Variants in SNCAIP observed in about 807,000 individuals in gnomAD.
SNCAIP encodes synuclein alpha interacting protein.
Under a neutral mutation model 86.7 loss-of-function variants are expected in SNCAIP, and 43 were observed. That is an observed-to-expected ratio of 0.50 (90% CI 0.39 to 0.64). The LOEUF is 0.64. Ranked by LOEUF, SNCAIP falls within the 30% of genes least tolerant of loss-of-function variation. The pLI is 0.00. For synonymous variants in SNCAIP, 417 were observed against 427.2 expected (o/e 0.98, Z 0.29); for missense variants, 981 against 1,103.1 (o/e 0.89, Z 1.57).
chr5:122,443,272 G>C (rs567571016), intron 7 of SNCAIP, among the ~76,000 whole-genome samples: 37 of 152,230 alleles, frequency 2.4e-4, no homozygotes, highest in African/African-American at 8.4e-4. Context: ...GATTAATCCA[G>C]GTTTGCAGTC....
At chr5:122,400,973 C>G (rs1297907690) in intron 2 of SNCAIP, 1 of 1,544,774 alleles carries the variant, frequency 6.5e-7, no homozygotes, top group East Asian at 2.5e-5. Context: ...CCTCTTCACT[C>G]TTCTCACCCA....
intron 1 of SNCAIP, among the ~76,000 whole-genome samples, chr5:122,370,428 C>CA (rs1561599427): frequency 1.3e-5 from 2 of 151,734 alleles, no homozygotes; most frequent in Admixed American, 6.6e-5. Flanking sequence ...ATGTATTGTA[C>CA]TTTAGTGTGT....
chr5:122,325,047 A>T lies in SNCAIP; in HGVS notation c.-47+12763A>T, dbSNP rs563165472. On this transcript the variant is annotated intron_variant, in intron 1 of 10. Transcript: ENST00000261368. The stretch of plus-strand genomic sequence containing the variant: ...TACTGTGTGTGATTTGGAACAGCGT[A>T]TTGAACCCCTCAGTATTTTGATATG... 3.9e-5 allele frequency among the ~76,000 whole-genome samples: 6 copies of T among 152,338 alleles called. No homozygotes were observed. The South Asian group carries it at 1.2e-3, about 32-fold the overall frequency.
chr5:122,423,195 T>C lies in SNCAIP; in HGVS notation c.458T>C (p.Ile153Thr), dbSNP rs1776741151. Residue 153 changes from isoleucine to threonine, a missense_variant, in exon 4 of 11, where the codon ATT becomes ACT. Physicochemically the swap from Ile to Thr is moderately conservative, Grantham distance 89. Transcript: ENST00000261368. ...CACTACGACCTCGACATGGATGAGA[T>C]TCTGGATGTGCCTTATATTAAATCC... ...LEHYDLDMDEILDVPYIKSSQ... is the reference protein window; with the variant it reads ...LEHYDLDMDETLDVPYIKSSQ... 1 of 1,614,042 alleles carries C rather than the reference T, an allele frequency of 6.2e-7. No individual in the cohort carries two copies. The highest frequency in any genetic ancestry group is 8.5e-7 in the Non-Finnish European group (1 of 1,180,016).
chr5:122,381,719 T>A (rs1454708706), intron 1 of SNCAIP, among the ~76,000 whole-genome samples: 2 of 152,108 alleles, frequency 1.3e-5, no homozygotes, highest in East Asian at 3.9e-4. Context: ...CTTCAGGAGC[T>A]CTTTTAGGGC....
intron 1 of SNCAIP, chr5:122,371,892 A>C (rs1028644464): frequency 1.3e-5 from 2 of 152,336 alleles, no homozygotes; most frequent in African/African-American, 4.8e-5. Context: ...CATTATTATT[A>C]GGTTATTTTA....
chr5:122,400,121 A>G (rs556527293), intron 2 of SNCAIP, among the ~76,000 whole-genome samples: 21 of 152,136 alleles, frequency 1.4e-4, no homozygotes, highest in Non-Finnish European at 2.5e-4. Flanking sequence ...GGAGTAGCAT[A>G]TGTAAAGGTA....
intron 1 of SNCAIP, among the ~76,000 whole-genome samples, chr5:122,325,810 A>G (rs944009355): frequency 4.6e-5 from 7 of 152,184 alleles, no homozygotes; most frequent in Admixed American, 1.3e-4. Context: ...GTGAGAAGAA[A>G]TCTATTACCT....
chr5:122,370,570 G>A (rs1302447152), intron 1 of SNCAIP, among the ~76,000 whole-genome samples: 3 of 152,012 alleles, frequency 2.0e-5, no homozygotes, highest in African/African-American at 7.2e-5. Context: ...TCTTATGAAG[G>A]CACCTCTTTA....
At chr5:122,336,417 A>G (rs1413682999) in intron 1 of SNCAIP, among the ~76,000 whole-genome samples, 2 of 152,212 alleles carry the variant, frequency 1.3e-5, no homozygotes, top group East Asian at 1.9e-4. Flanking sequence ...ACATCTGCCC[A>G]TATTAAAGCT....
chr5:122,325,090 T>A (rs184351774), intron 1 of SNCAIP, among the ~76,000 whole-genome samples: 235 of 152,314 alleles, frequency 1.5e-3, no homozygotes, highest in African/African-American at 2.3e-3. Flanking sequence ...CCCTTTTTTT[T>A]ATCAACAAAT....
At chr5:122,408,613 T>C (rs1450744886) in intron 3 of SNCAIP, among the ~76,000 whole-genome samples, 1 of 152,194 alleles carries the variant, frequency 6.6e-6, no homozygotes, top group Non-Finnish European at 1.5e-5. Flanking sequence ...TCAATTACAC[T>C]GCAGTAGGAC....
In SNCAIP at chr5:122,423,667, A is replaced by C. The variant is rs1223720590; in HGVS notation, c.930A>C (p.Glu310Asp). The C allele has an allele frequency of 6.2e-7, 1 of 1,610,862 alleles. No individual in the cohort carries two copies. Among genetic ancestry groups the C allele is most frequent in the Non-Finnish European group, 8.5e-7 (1 of 1,179,956 alleles). ...GLNRTSSQGPEERSEYLKKVK... is the reference protein window; with the variant it reads ...GLNRTSSQGPDERSEYLKKVK... The stretch of plus-strand genomic sequence containing the variant: ...ACCGGACCAGCTCCCAAGGCCCAGA[A>C]GAAAGGAGTGAGTATCTGAAAAAAG... The change falls in exon 4 of 11, where the codon GAA (glutamate) becomes GAC (aspartate). Residue 310 changes from glutamate (E) to aspartate (D), a missense_variant. Glu to Asp is a conservative substitution (Grantham distance 45). Coordinates refer to ENST00000261368, the MANE Select transcript of SNCAIP (RefSeq NM_005460.4).
chr5:122,323,867 C>A (rs572848057), intron 1 of SNCAIP, among the ~76,000 whole-genome samples: 1 of 152,234 alleles, frequency 6.6e-6, no homozygotes, highest in East Asian at 1.9e-4. Context: ...TCTTTCTCCT[C>A]CCCCCTCCAA....
intron 1 of SNCAIP, among the ~76,000 whole-genome samples, chr5:122,383,202 GC>G (rs1180164656): frequency 2.0e-5 from 3 of 152,234 alleles, no homozygotes; most frequent in Non-Finnish European, 4.4e-5. Context: ...GACTCCGTGG[GC>G]GTAGGACCCT....
rs1763688827 is a variant in SNCAIP, at chr5:122,368,828, G to T, written c.-46-22261G>T. The stretch of plus-strand genomic sequence containing the variant: ...ATTCACTTTTAATTTGGGGTTAGGG[G>T]TTTTTAGTCCTACCCTGGCTGGTCA... On this transcript the variant is annotated intron_variant, in intron 1 of 10. Coordinates refer to ENST00000261368, the MANE Select transcript of SNCAIP (RefSeq NM_005460.4). Among the ~76,000 whole-genome samples, 5 of 152,148 alleles carry T rather than the reference G, an allele frequency of 3.3e-5. No homozygotes were observed. The South Asian group carries it at 1.0e-3, about 32-fold the overall frequency.
At chr5:122,398,854 C>T (rs530667177) in intron 2 of SNCAIP, among the ~76,000 whole-genome samples, 10 of 152,250 alleles carry the variant, frequency 6.6e-5, no homozygotes, top group South Asian at 4.1e-4. Flanking sequence ...CGTAGCCCAA[C>T]GTAGAAATCA....
chr5:122,440,090 C>G (rs1780496259), intron 6 of SNCAIP, among the ~76,000 whole-genome samples: 1 of 152,186 alleles, frequency 6.6e-6, no homozygotes, highest in Non-Finnish European at 1.5e-5. Context: ...CACTTGGCAA[C>G]TTAACGTATT....
intron 2 of SNCAIP, among the ~76,000 whole-genome samples, chr5:122,395,908 C>T (rs996153579): frequency 2.6e-5 from 4 of 152,144 alleles, no homozygotes; most frequent in Admixed American, 2.0e-4. Context: ...GTACTTTCTT[C>T]TGTACCTTCT....
Sources: gnomAD v4.1 joint callset for allele counts (sites outside exome capture counted in the v4.1 genomes callset) on GRCh38, gnomAD v4.1.1 for gene constraint, MANE v1.5 for transcripts, NCBI Gene and HGNC (gene_info 2026-07-23, HGNC 2026-07-21) for gene names.